Variants in NIPSNAP3B observed in about 807,000 individuals in gnomAD.
NIPSNAP3B encodes nipsnap homolog 3B.
NIPSNAP3B carries 30 observed loss-of-function variants against 31.5 expected under a neutral mutation model. The observed-to-expected ratio is 0.95, with a 90% confidence interval of 0.71 to 1.29. The LOEUF is 1.29. Among genes scored for constraint, NIPSNAP3B ranks in the 50% most tolerant of loss-of-function variants. The pLI, the probability that NIPSNAP3B is intolerant of heterozygous loss-of-function variation, is 0.00. For missense variants in NIPSNAP3B, 269 were observed against 300.7 expected (o/e 0.89, Z 0.78); for synonymous variants, 106 against 107.9 (o/e 0.98, Z 0.11).
the NIPSNAP3B span, chr9:104,788,386 T>A: frequency 6.7e-5 from 108 of 1,613,840 alleles, no homozygotes; most frequent in Non-Finnish European, 8.6e-5. Flanking sequence ...ATTGTCAGGA[T>A]GCCAAAGGAG....
downstream of NIPSNAP3B, among the ~76,000 whole-genome samples, chr9:104,779,536 T>C (rs945539142): frequency 1.1e-4 from 17 of 152,132 alleles, no homozygotes; most frequent in East Asian, 7.7e-4. Context: ...TGTAAAATGG[T>C]ACTTTTTACC....
chr9:104,768,215 TAGAA>T (rs1336064102), intron 2 of NIPSNAP3B, among the ~76,000 whole-genome samples: 1 of 152,032 alleles, frequency 6.6e-6, no homozygotes, highest in East Asian at 1.9e-4. Flanking sequence ...TTGGGTAACT[TAGAA>T]AGAAGAGAAA....
chr9:104,790,057 T>C, the NIPSNAP3B span, among the ~76,000 whole-genome samples: 6 of 151,576 alleles, frequency 4.0e-5, no homozygotes, highest in African/African-American at 1.2e-4. Flanking sequence ...GGTCGCGCCA[T>C]TGCTCTCCAG....
intron 4 of NIPSNAP3B, 55 bp from the exon 5 acceptor site, chr9:104,772,767 T>C: frequency 6.5e-7 from 1 of 1,548,608 alleles, no homozygotes; most frequent in South Asian, 1.2e-5. Flanking sequence ...TTTTCAATAT[T>C]TCTTATTTGC....
rs114721211 is a variant in NIPSNAP3B at position 104,775,570 on chromosome 9, T to A, written c.*2497T>A. Among the ~76,000 whole-genome samples the A allele has an allele frequency of 0.011, 1,653 of 152,262 alleles. 26 individuals are homozygous for A. Among genetic ancestry groups the A allele is most frequent in the African/African-American group, 0.038 (1,566 of 41,556 alleles). On this transcript the variant is annotated 3_prime_UTR_variant, in exon 6 of 6. Transcript: ENST00000374762. ...CCCAGTCTTGTGGCTTCAAATGCTA[T>A]CTGTGTGTGGATAGCTCCTCCAGTC...
At chr9:104,786,151 C>T in the NIPSNAP3B span, 25 of 704,004 alleles carry the variant, frequency 3.6e-5, no homozygotes, top group South Asian at 2.0e-4. Context: ...GAATGCAGTT[C>T]GGACTTCAAA....
intron 1 of NIPSNAP3B, among the ~76,000 whole-genome samples, chr9:104,764,684 C>A (rs1828053411): frequency 6.6e-6 from 1 of 152,266 alleles, no homozygotes; most frequent in South Asian, 2.1e-4. Context: ...GAATTACAGG[C>A]GCCAGCCACC....
At chr9:104,779,957 G>A (rs553816617), downstream of NIPSNAP3B, among the ~76,000 whole-genome samples, 186 of 152,276 alleles carry the variant, frequency 1.2e-3, no homozygotes, top group African/African-American at 4.3e-3. Flanking sequence ...AACCCGGGAG[G>A]CGGAGGTTGC....
the NIPSNAP3B span, chr9:104,788,542 G>A: frequency 8.1e-5 from 131 of 1,614,056 alleles, no homozygotes; most frequent in Non-Finnish European, 1.1e-4. Context: ...ATGTTCTGAT[G>A]TACTTCATGG....
In NIPSNAP3B at chr9:104,770,902, G is replaced by A. The variant is rs757323797; in HGVS notation, c.484G>A (p.Gly162Ser). The A allele has an allele frequency of 1.6e-5, 26 of 1,613,720 alleles. No homozygotes were observed. The African/African-American group carries it at 3.5e-4, about 22-fold the overall frequency. ...QMKPGGPALWGDAFERAINAH... is the reference protein window; with the variant it reads ...QMKPGGPALWSDAFERAINAH... ...GAAACCTGGTGGGCCAGCTCTGTGG[G>A]GTGATGCATTTGAAAGAGCAATTAA... The change falls in exon 4 of 6, where the codon GGT (glycine) becomes AGT (serine). Residue 162 changes from glycine (G) to serine (S), a missense_variant. Gly to Ser is a moderately conservative substitution (Grantham distance 56, BLOSUM62 0). Coordinates refer to ENST00000374762, the MANE Select transcript of NIPSNAP3B (RefSeq NM_018376.4).
At position 104,766,347 on chromosome 9, in the gene NIPSNAP3B, G is replaced by T. The variant is rs1216435216; in HGVS notation, c.83G>T (p.Gly28Val). Reference protein sequence around the residue: ...APQVCSSFATGPRQYDGTFYE... With the variant: ...APQVCSSFATVPRQYDGTFYE... ...CAGGTGTGTTCATCTTTTGCTACGG[G>T]CCCTAGACAATACGATGGAACGTTC... is the stretch of plus-strand genomic sequence containing the variant. Residue 28 changes from glycine (G) to valine (V), a missense_variant, in exon 2 of 6, where the codon GGC (glycine) becomes GTC (valine). Coordinates refer to ENST00000374762, the MANE Select transcript of NIPSNAP3B (RefSeq NM_018376.4). The T allele has an allele frequency of 1.2e-6, 2 of 1,613,422 alleles. No individual in the cohort carries two copies. Among genetic ancestry groups the T allele is most frequent in the African/African-American group, 2.7e-5 (2 of 74,858 alleles).
At chr9:104,771,576 C>A (rs1330922926) in intron 4 of NIPSNAP3B, among the ~76,000 whole-genome samples, 1 of 152,144 alleles carries the variant, frequency 6.6e-6, no homozygotes, top group African/African-American at 2.4e-5. Flanking sequence ...GCATGGTATT[C>A]CATGGTGTGT....
At chr9:104,785,249 G>T in the NIPSNAP3B span, 3 of 1,058,702 alleles carry the variant, frequency 2.8e-6, no homozygotes, top group Non-Finnish European at 2.8e-6. Context: ...GTTCAGAGAG[G>T]TTTAGTAAAA....
chr9:104,782,135 T>G (rs1178505471), downstream of NIPSNAP3B: 1 of 152,064 alleles, frequency 6.6e-6, no homozygotes, highest in Non-Finnish European at 1.5e-5. Context: ...TTTAGTAAAA[T>G]GAGGAAACCA....
At chr9:104,784,539 A>C in the NIPSNAP3B span, 1 of 1,539,108 alleles carries the variant, frequency 6.5e-7, no homozygotes, top group African/African-American at 1.4e-5. Flanking sequence ...CAGATGTTGA[A>C]ATTAGGTCAA....
rs779183951 is a variant in NIPSNAP3B, at chr9:104,776,501, A to T, written c.*3428A>T. On this transcript the variant is annotated 3_prime_UTR_variant, in exon 6 of 6. Transcript: ENST00000374762. ...TGTGGGTAATAGAATTAGTGCATTT[A>T]TAAGGGCGTGAAGAGCCCTCACTGT... Among the ~76,000 whole-genome samples, 3 of 152,158 alleles carry T rather than the reference A, an allele frequency of 2.0e-5. No individual in the cohort carries two copies. Among genetic ancestry groups the T allele is most frequent in the Non-Finnish European group, 4.4e-5 (3 of 68,034 alleles).
chr9:104,788,168 T>C, the NIPSNAP3B span: 1 of 1,292,868 alleles, frequency 7.7e-7, no homozygotes. Context: ...TCTATAATCA[T>C]AACCTGACAA....
chr9:104,772,729 A>G, intron 4 of NIPSNAP3B, 93 bp from the exon 5 acceptor site: 1 of 1,422,328 alleles, frequency 7.0e-7, no homozygotes, highest in East Asian at 2.5e-5. Flanking sequence ...TTTTGATTTA[A>G]AGAATAAGAC....
rs754003866 is a variant in NIPSNAP3B, at chr9:104,770,999, G to A, written c.580+1G>A. 3.7e-6 allele frequency: 6 copies of A among 1,613,400 alleles called. No homozygotes were observed. In the South Asian group the frequency reaches 5.5e-5, roughly 15 times the overall value. On this transcript the variant is annotated splice_donor_variant, in intron 4 of 5. Transcript: ENST00000374762. LOFTEE classifies it high-confidence loss of function. ...ACAGAATATGGAGAACTCAACAGAGGTACAGTTGTCCATTTGTTCTATGAA... is the reference window on the plus strand; with the variant it reads ...ACAGAATATGGAGAACTCAACAGAGATACAGTTGTCCATTTGTTCTATGAA...
Sources: gnomAD v4.1 joint callset for allele counts (sites outside exome capture counted in the v4.1 genomes callset) on GRCh38, gnomAD v4.1.1 for gene constraint, MANE v1.5 for transcripts, NCBI Gene and HGNC (gene_info 2026-07-23, HGNC 2026-07-21) for gene names.